CEP63: variants seen among roughly 807,000 people sequenced by gnomAD.
CEP63 encodes the protein centrosomal protein 63.
CEP63 carries 84 observed loss-of-function variants against 89.1 expected under a neutral mutation model. The observed-to-expected ratio is 0.94, with a 90% CI of 0.79 to 1.13. CEP63 has a LOEUF of 1.13. Ranked by LOEUF, CEP63 falls within the 50% of genes most tolerant of loss-of-function variation. The pLI is 0.00. For missense variants in CEP63, 838 were observed against 813.3 expected (o/e 1.03, Z -0.37); for synonymous variants, 267 against 272.5 (o/e 0.98, Z 0.20).
chr3:134,740,625 G>A, the CEP63 span, among the ~76,000 whole-genome samples: 7 of 151,950 alleles, frequency 4.6e-5, no homozygotes, highest in African/African-American at 9.7e-5. Flanking sequence ...TCCTACATCC[G>A]ACCTTGGATT....
chr3:134,610,326 C>A, the CEP63 span: 12 of 1,613,700 alleles, frequency 7.4e-6, no homozygotes, highest in African/African-American at 1.6e-4. Context: ...TCTGCCCTGT[C>A]TGGTAGCCGA....
chr3:134,618,295 G>A, the CEP63 span, among the ~76,000 whole-genome samples: 1 of 152,166 alleles, frequency 6.6e-6, no homozygotes, highest in Non-Finnish European at 1.5e-5. Context: ...CTGCCTGCCT[G>A]TGGACTAAGT....
chr3:134,616,216 C>G, the CEP63 span, among the ~76,000 whole-genome samples: 3 of 152,178 alleles, frequency 2.0e-5, no homozygotes. Flanking sequence ...CAAGCTATAG[C>G]ATTAACCAAA....
chr3:134,690,814 T>A, the CEP63 span, among the ~76,000 whole-genome samples: 1 of 148,580 alleles, frequency 6.7e-6, no homozygotes, highest in Non-Finnish European at 1.5e-5. Flanking sequence ...AACAGTGCAA[T>A]CTTGGCTCAC....
chr3:134,534,048 C>A (rs1447714444), intron 5 of CEP63, among the ~76,000 whole-genome samples: 1 of 152,030 alleles, frequency 6.6e-6, no homozygotes, highest in Non-Finnish European at 1.5e-5. Context: ...ACCTCAAAAA[C>A]CCCATCTTTG....
the CEP63 span, chr3:134,620,743 G>C: frequency 6.2e-7 from 1 of 1,605,930 alleles, no homozygotes; most frequent in Non-Finnish European, 8.5e-7. Context: ...CCACAGGGGG[G>C]CCTACCTATG....
chr3:134,767,912 G>A, the CEP63 span, among the ~76,000 whole-genome samples: 1 of 152,208 alleles, frequency 6.6e-6, no homozygotes, highest in South Asian at 2.1e-4. Context: ...TCCTGAAGAA[G>A]AAGACACTGA....
chr3:134,651,177 T>C, the CEP63 span: 6 of 1,392,454 alleles, frequency 4.3e-6, no homozygotes, highest in Non-Finnish European at 4.7e-6. Context: ...ATGAAGCGGC[T>C]CTAAGTCACC....
intron 3 of CEP63, among the ~76,000 whole-genome samples, chr3:134,522,854 C>T (rs562099464): frequency 1.3e-4 from 20 of 152,176 alleles, no homozygotes; most frequent in South Asian, 2.1e-4. Context: ...AATAGTGCTG[C>T]GGTGAACTTA....
At position 134,553,146 on chromosome 3, in the gene CEP63, T is replaced by C. The variant is rs1453486030; in HGVS notation, c.1467+1134T>C. The stretch of plus-strand genomic sequence containing the variant: ...CAGAGAGTATTCCTCCAAAAAGATA[T>C]ATGGTTCCAACATGCTCCCTGTTTG... On this transcript the variant is annotated intron_variant, in intron 12 of 14. Coordinates refer to ENST00000675561, the MANE Select transcript of CEP63 (RefSeq NM_001353108.3). 4 of 152,268 alleles carry C rather than the reference T, an allele frequency of 2.6e-5. No homozygotes were observed. In the South Asian group the frequency reaches 6.2e-4, roughly 24 times the overall value. 9.4% of individuals were successfully genotyped at this position (152,268 alleles called of 1,614,324 possible).
chr3:134,672,294 A>G, the CEP63 span, among the ~76,000 whole-genome samples: 41 of 152,324 alleles, frequency 2.7e-4, no homozygotes, highest in Non-Finnish European at 5.3e-4. Flanking sequence ...TTTCACATAT[A>G]AAGTGCTTAG....
At chr3:134,643,951 G>A in the CEP63 span, among the ~76,000 whole-genome samples, 4 of 151,534 alleles carry the variant, frequency 2.6e-5, no homozygotes, top group South Asian at 2.1e-4. Context: ...CTCCACCTCC[G>A]GAGCAGCTGG....
chr3:134,591,355 T>G (rs1197832399), downstream of CEP63, among the ~76,000 whole-genome samples: 1 of 152,210 alleles, frequency 6.6e-6, no homozygotes, highest in African/African-American at 2.4e-5. Context: ...TGGGTCTGTT[T>G]TCATTCACTG....
At chr3:134,490,729 C>T (rs1355408985) in intron 1 of CEP63, among the ~76,000 whole-genome samples, 3 of 152,008 alleles carry the variant, frequency 2.0e-5, no homozygotes, top group African/African-American at 7.3e-5. Flanking sequence ...CTTACTGATA[C>T]TGTTTTTACT....
chr3:134,690,743 AT>A, the CEP63 span, among the ~76,000 whole-genome samples: 141 of 120,798 alleles, frequency 1.2e-3, no homozygotes, highest in African/African-American at 1.3e-3. Context: ...GAAGACCAAG[AT>A]TTTTTTTTTT....
intron 12 of CEP63, among the ~76,000 whole-genome samples, chr3:134,557,376 G>GTTTTTTTTTTTTTTTTTTTTTT (rs199930556): frequency 3.0e-5 from 3 of 101,500 alleles, no homozygotes; most frequent in African/African-American, 4.9e-5. Flanking sequence ...TTCATAATTT[G>GTTTTTTTTTTTTTTTTTTTTTT]TTTTTTTTTT....
chr3:134,515,891 A>G (rs1407626477), intron 3 of CEP63, among the ~76,000 whole-genome samples: 1 of 152,142 alleles, frequency 6.6e-6, no homozygotes, highest in African/African-American at 2.4e-5. Flanking sequence ...ATTGGGCCAC[A>G]TATGGCCTGT....
At chr3:134,738,249 TACAC>T in the CEP63 span, among the ~76,000 whole-genome samples, 2,209 of 145,670 alleles carry the variant, frequency 0.015, 21 homozygotes, top group South Asian at 0.047. Flanking sequence ...TATTCCATCA[TACAC>T]ACACACACAC....
chr3:134,738,468 A>C, the CEP63 span, among the ~76,000 whole-genome samples: 3,059 of 152,280 alleles, frequency 0.02, 107 homozygotes, highest in African/African-American at 0.07. Flanking sequence ...TCTTTAAGGA[A>C]TCTCCACACT....
Sources: gnomAD v4.1 joint callset for allele counts (sites outside exome capture counted in the v4.1 genomes callset) on GRCh38, gnomAD v4.1.1 for gene constraint, MANE v1.5 for transcripts, NCBI Gene and HGNC (gene_info 2026-07-23, HGNC 2026-07-21) for gene names.